PRKCB: variants seen among roughly 807,000 people sequenced by gnomAD.
PRKCB encodes protein kinase C beta.
In PRKCB, 13 loss-of-function variants were observed where a neutral mutation model predicts 81.5. The ratio of observed to expected loss-of-function variants is 0.16; its 90% confidence interval spans 0.10 to 0.25. The LOEUF is 0.25. Ranked by LOEUF, PRKCB falls within the 10% of genes least tolerant of loss-of-function variation. The pLI is 1.00. For missense variants in PRKCB, 509 were observed against 875.7 expected (o/e 0.58, Z 5.29); for synonymous variants, 335 against 321.4 (o/e 1.04, Z -0.45).
At chr16:23,837,465 T>C (rs538173627) in intron 2 of PRKCB, 59 bp downstream of exon 2, 5 of 1,572,604 alleles carry the variant, frequency 3.2e-6, no homozygotes, top group African/African-American at 2.8e-5. Flanking sequence ...AAATACTTTA[T>C]AGAAGAAGTT....
Position 23,836,256 on chromosome 16 carries a change from G to T in PRKCB, c.81G>T (p.Arg27=), listed in dbSNP as rs1371057834. The change falls in exon 1 of 17, where the codon CGG becomes CGT. Residue 27 remains arginine, a synonymous_variant. Transcript: ENST00000643927. ...GCTTCGCCCGCAAAGGCGCCCTCCG[G>T]CAGAAGAACGTGCATGAGGTCAAGA... is the stretch of plus-strand genomic sequence containing the variant. ...TVRFARKGAL[R]QKNVHEVKNH... is the part of the protein sequence containing the mutation. The T allele has an allele frequency of 1.9e-6, 3 of 1,602,286 alleles. No individual in the cohort carries two copies. The highest frequency in any genetic ancestry group is 1.7e-5 in the Admixed American group (1 of 59,554).
intron 5 of PRKCB, among the ~76,000 whole-genome samples, chr16:24,042,523 A>G (rs903082305): frequency 3.3e-5 from 5 of 152,144 alleles, no homozygotes; most frequent in African/African-American, 1.2e-4. Context: ...TCTGTCGTTA[A>G]CGTTTCCACA....
chr16:23,884,989 A>C (rs1157949025), intron 2 of PRKCB, among the ~76,000 whole-genome samples: 1 of 86,258 alleles, frequency 1.2e-5, no homozygotes, highest in Non-Finnish European at 2.4e-5. Flanking sequence ...AAGTTATTTA[A>C]TTTCTCTGGA....
At chr16:24,109,073 CAGA>C (rs1966628863) in intron 7 of PRKCB, among the ~76,000 whole-genome samples, 8 of 137,712 alleles carry the variant, frequency 5.8e-5, no homozygotes, top group Admixed American at 1.4e-4. Flanking sequence ...GCTGGCCGGG[CAGA>C]GGGGCTCCTC....
chr16:23,876,563 A>T (rs1963016486), intron 2 of PRKCB, among the ~76,000 whole-genome samples: 1 of 140,192 alleles, frequency 7.1e-6, no homozygotes, highest in South Asian at 2.2e-4. Flanking sequence ...TGCAGAAGCC[A>T]CGGTTTCTTT....
intron 2 of PRKCB, among the ~76,000 whole-genome samples, chr16:23,889,164 ATCCATCC>A (rs1963252092): frequency 7.5e-6 from 1 of 133,312 alleles, no homozygotes; most frequent in South Asian, 2.3e-4. Context: ...CCATCCATCC[ATCCATCC>A]GTCCATCCAC....
intron 5 of PRKCB, among the ~76,000 whole-genome samples, chr16:24,091,738 G>C (rs1250754234): frequency 6.6e-6 from 1 of 152,156 alleles, no homozygotes; most frequent in East Asian, 1.9e-4. Flanking sequence ...GGCCTCCCAA[G>C]TAGGTGGGAC....
intron 16 of PRKCB, among the ~76,000 whole-genome samples, chr16:24,192,442 C>T (rs1353922487): frequency 6.6e-6 from 1 of 152,036 alleles, no homozygotes; most frequent in Non-Finnish European, 1.5e-5. Context: ...TTTTATGGGA[C>T]CATTTGGAAA....
chr16:24,124,819 T>G (rs561609503), intron 9 of PRKCB, among the ~76,000 whole-genome samples: 1 of 152,324 alleles, frequency 6.6e-6, no homozygotes, highest in Non-Finnish European at 1.5e-5. Context: ...GAGTTATCCC[T>G]GAGCTTCCCT....
At chr16:24,166,609 C>A (rs1967350877) in intron 10 of PRKCB, among the ~76,000 whole-genome samples, 1 of 152,202 alleles carries the variant, frequency 6.6e-6, no homozygotes, top group Admixed American at 6.5e-5. Context: ...TGATCTCCTA[C>A]CCATTTTGGG....
chr16:23,837,118 C>G, intron 1 of PRKCB: 1 of 563,988 alleles, frequency 1.8e-6, no homozygotes. Context: ...GCCCCTACCC[C>G]GACGGAAACG....
chr16:24,099,971 CAAAAA>C (rs35019900), intron 7 of PRKCB: 3 of 99,978 alleles, frequency 3.0e-5, no homozygotes, highest in African/African-American at 3.8e-5. Flanking sequence ...GACTCCATCT[CAAAAA>C]AAAAAAAAAA....
intron 8 of PRKCB, among the ~76,000 whole-genome samples, chr16:24,119,125 CTTCT>C (rs906174776): frequency 3.8e-5 from 3 of 79,538 alleles, no homozygotes; most frequent in African/African-American, 2.7e-4. Flanking sequence ...GGTTATCAGA[CTTCT>C]TTTTTTTTTT....
chr16:24,197,621 C>T (rs1305568939), intron 16 of PRKCB, among the ~76,000 whole-genome samples: 2 of 152,136 alleles, frequency 1.3e-5, no homozygotes, highest in Non-Finnish European at 2.9e-5. Context: ...TTTAAAGGAT[C>T]CCTCTGAGTG....
At chr16:23,860,266 C>A (rs558966428) in intron 2 of PRKCB, among the ~76,000 whole-genome samples, 7 of 152,072 alleles carry the variant, frequency 4.6e-5, no homozygotes, top group Non-Finnish European at 8.8e-5. Context: ...AATGTTGTCA[C>A]CTATTGAGGG....
At chr16:23,858,790 T>C (rs1962616214) in intron 2 of PRKCB, among the ~76,000 whole-genome samples, 1 of 152,168 alleles carries the variant, frequency 6.6e-6, no homozygotes, top group South Asian at 2.1e-4. Context: ...AATACTTCCC[T>C]GAAGAGCTGC....
At chr16:23,957,256 C>T (rs1381974493) in intron 2 of PRKCB, among the ~76,000 whole-genome samples, 1 of 151,992 alleles carries the variant, frequency 6.6e-6, no homozygotes, top group Non-Finnish European at 1.5e-5. Context: ...TAGGACATGT[C>T]AGGGAGTTTT....
At chr16:24,008,603 C>T (rs755440618) in intron 3 of PRKCB, among the ~76,000 whole-genome samples, 2 of 152,178 alleles carry the variant, frequency 1.3e-5, no homozygotes, top group Non-Finnish European at 2.9e-5. Flanking sequence ...AATCTCTACA[C>T]GTCCCTCCCC....
Position 24,102,723 on chromosome 16 carries a change from C to T in PRKCB, c.821+8426C>T, listed in dbSNP as rs189897799. Among the ~76,000 whole-genome samples the T allele has an allele frequency of 2.2e-3, 334 of 152,190 alleles. 1 individual carries two copies. The highest frequency in any genetic ancestry group is 7.9e-3 in the African/African-American group (327 of 41,526). ...TCCAGAGGTTCATCTGTTTTATTTA[C>T]TTATTTATTTTCTTCAAGGAATTAA... On this transcript the variant is annotated intron_variant, in intron 7 of 16. Coordinates refer to ENST00000643927, the MANE Select transcript of PRKCB (RefSeq NM_002738.7).
Sources: allele counts gnomAD v4.1 joint callset (sites outside exome capture counted in the v4.1 genomes callset), GRCh38; gene constraint gnomAD v4.1.1; transcripts MANE v1.5; gene names NCBI Gene and HGNC (gene_info 2026-07-23, HGNC 2026-07-21).